Variants in CMIP observed in about 807,000 individuals in gnomAD.
The protein encoded by CMIP is c-Maf inducing protein.
Under a neutral mutation model 97.3 loss-of-function variants are expected in CMIP, and 13 were observed. That is an observed-to-expected ratio of 0.13 (90% CI 0.09 to 0.21). CMIP has a LOEUF of 0.21. Among genes scored for constraint, CMIP ranks in the 10% least tolerant of loss-of-function variants. CMIP has a pLI of 1.00. For missense variants in CMIP, 847 were observed against 1,024.9 expected (o/e 0.83, Z 2.37); for synonymous variants, 538 against 436.3 (o/e 1.23, Z -2.91).
chr16:81,585,976 G>A (rs546787238), intron 1 of CMIP, among the ~76,000 whole-genome samples: 43 of 152,296 alleles, frequency 2.8e-4, no homozygotes, highest in Non-Finnish European at 2.2e-4. Context: ...GGGCGCTGCC[G>A]GGGAAGGCCT....
chr16:81,595,561 G>T (rs2091541716), intron 1 of CMIP, among the ~76,000 whole-genome samples: 1 of 151,754 alleles, frequency 6.6e-6, no homozygotes, highest in Admixed American at 6.6e-5. Flanking sequence ...GCTTATTTTT[G>T]TGTTTTTAGT....
intron 1 of CMIP, among the ~76,000 whole-genome samples, chr16:81,461,842 C>A (rs1178206432): frequency 6.6e-6 from 1 of 152,242 alleles, no homozygotes; most frequent in Non-Finnish European, 1.5e-5. Context: ...ATTCCCATCC[C>A]TACATCCCAG....
At chr16:81,565,457 G>A (rs1266347331) in intron 1 of CMIP, among the ~76,000 whole-genome samples, 2 of 152,180 alleles carry the variant, frequency 1.3e-5, no homozygotes, top group Non-Finnish European at 1.5e-5. Flanking sequence ...TGGTAACACA[G>A]GGCCGCCAGC....
At chr16:81,677,255 G>A (rs965726881) in intron 9 of CMIP, among the ~76,000 whole-genome samples, 1 of 152,174 alleles carries the variant, frequency 6.6e-6, no homozygotes, top group African/African-American at 2.4e-5. Context: ...GGAGGATCCT[G>A]GGCTTTGGGG....
Position 81,542,825 on chromosome 16 carries a change from A to G in CMIP, c.301-64742A>G, listed in dbSNP as rs564033913. Among the ~76,000 whole-genome samples the G allele has an allele frequency of 3.3e-5, 5 of 152,322 alleles. No homozygotes were observed. In the East Asian group the frequency reaches 9.6e-4, roughly 29 times the overall value. On this transcript the variant is annotated intron_variant, in intron 1 of 20. Coordinates refer to ENST00000537098, the MANE Select transcript of CMIP (RefSeq NM_198390.3). ...CACCTCCCAAAGGCCCCACCTCCAC[A>G]TACCATCACATTGCAGGGTCGGGGG...
At chr16:81,663,889 G>A (rs1275061141) in intron 6 of CMIP, among the ~76,000 whole-genome samples, 1 of 152,124 alleles carries the variant, frequency 6.6e-6, no homozygotes, top group East Asian at 1.9e-4. Flanking sequence ...GTCCTCTTGG[G>A]CCCTGTCTCT....
At chr16:81,598,968 C>CA (rs141717317) in intron 1 of CMIP, among the ~76,000 whole-genome samples, 4,630 of 49,390 alleles carry the variant, frequency 0.094, 288 homozygotes, top group African/African-American at 0.11. Context: ...GACTCTGTCT[C>CA]AAAAAAAAAA....
intron 3 of CMIP, among the ~76,000 whole-genome samples, chr16:81,637,206 G>T (rs2092248318): frequency 6.6e-6 from 1 of 152,144 alleles, no homozygotes; most frequent in Admixed American, 6.5e-5. Context: ...AAGTAGCTGG[G>T]ATTACAGGTG....
chr16:81,557,048 A>G (rs1162221137), intron 1 of CMIP, among the ~76,000 whole-genome samples: 1 of 152,238 alleles, frequency 6.6e-6, no homozygotes, highest in Non-Finnish European at 1.5e-5. Context: ...ATCAGAGACC[A>G]ATGATGGTTT....
chr16:81,580,207 G>A (rs1304171328), intron 1 of CMIP, among the ~76,000 whole-genome samples: 1 of 152,148 alleles, frequency 6.6e-6, no homozygotes, highest in Non-Finnish European at 1.5e-5. Flanking sequence ...GTGATGTAGG[G>A]CCTTGAGGGC....
rs887479965 is a variant in CMIP, at chr16:81,710,415, C to T, written c.*616C>T. On this transcript the variant is annotated 3_prime_UTR_variant, in exon 21 of 21. Transcript: ENST00000537098. ...TTATGAAGTCTTTGACCGTCCCCCC[C>T]GCCCGACCCCACCGCCCTCCCGCCC... is the stretch of plus-strand genomic sequence containing the variant. 8 of 152,850 alleles carry T rather than the reference C, an allele frequency of 5.2e-5. No individual in the cohort carries two copies. The highest frequency in any genetic ancestry group is 3.9e-4 in the East Asian group (2 of 5,090). 9.5% of individuals were successfully genotyped at this position (152,850 alleles called of 1,614,324 possible). A position where few individuals can be genotyped will look rare whatever the true frequency, so the allele number is the denominator to read the frequency against.
intron 1 of CMIP, among the ~76,000 whole-genome samples, chr16:81,563,196 C>G (rs564897799): frequency 6.6e-6 from 1 of 152,362 alleles, no homozygotes; most frequent in African/African-American, 2.4e-5. Flanking sequence ...GAGCCACAAC[C>G]TGGCTGGCAC....
intron 1 of CMIP, among the ~76,000 whole-genome samples, chr16:81,511,752 G>A (rs923689848): frequency 2.6e-5 from 4 of 152,092 alleles, no homozygotes; most frequent in African/African-American, 9.7e-5. Flanking sequence ...TGTAGAGATG[G>A]CGTTTCACCA....
intron 1 of CMIP, among the ~76,000 whole-genome samples, chr16:81,551,091 A>G (rs563277225): frequency 5.2e-4 from 69 of 131,960 alleles, no homozygotes; most frequent in Admixed American, 1.2e-3. Context: ...CGTCACACGC[A>G]CCCCAGTTCC....
intron 1 of CMIP, among the ~76,000 whole-genome samples, chr16:81,522,133 T>A (rs77077978): frequency 6.6e-6 from 1 of 152,198 alleles, no homozygotes; most frequent in Non-Finnish European, 1.5e-5. Context: ...ATGTCAGACA[T>A]CTTTGCTTCT....
chr16:81,507,475 T>G (rs760461471), intron 1 of CMIP, among the ~76,000 whole-genome samples: 3 of 152,194 alleles, frequency 2.0e-5, no homozygotes, highest in Non-Finnish European at 4.4e-5. Flanking sequence ...ATTAAGTAAT[T>G]TAACTAATAT....
intron 10 of CMIP, among the ~76,000 whole-genome samples, chr16:81,688,631 C>A (rs537212741): frequency 6.6e-6 from 1 of 152,220 alleles, no homozygotes; most frequent in East Asian, 1.9e-4. Flanking sequence ...TTGTTATTGT[C>A]ATTGTTATTA....
rs557710801 is a variant in CMIP, at chr16:81,537,433, G to A, written c.301-70134G>A. ...ACCTGTAGTTGCAGCCACTTGGGAG[G>A]CTGAGACAGGAGAATTGCTTGAACC... On this transcript the variant is annotated intron_variant, in intron 1 of 20. Transcript: ENST00000537098. Among the ~76,000 whole-genome samples, 12 of 151,420 alleles carry A rather than the reference G, an allele frequency of 7.9e-5. No homozygotes were observed. In the South Asian group the frequency reaches 2.3e-3, roughly 29 times the overall value.
chr16:81,564,003 C>A (rs779290962), intron 1 of CMIP, among the ~76,000 whole-genome samples: 1 of 152,234 alleles, frequency 6.6e-6, no homozygotes, highest in Non-Finnish European at 1.5e-5. Context: ...AGCCTGAGCC[C>A]AGGGCCAGTA....
Sources: gnomAD v4.1 joint callset for allele counts (sites outside exome capture counted in the v4.1 genomes callset) on GRCh38, gnomAD v4.1.1 for gene constraint, MANE v1.5 for transcripts, NCBI Gene and HGNC (gene_info 2026-07-23, HGNC 2026-07-21) for gene names.